CD163L1: variants seen among roughly 807,000 people sequenced by gnomAD.
CD163L1 encodes the protein scavenger receptor cysteine-rich type 1 protein M160.
CD163L1 carries 124 observed loss-of-function variants against 165.4 expected under a neutral mutation model. The observed-to-expected ratio is 0.75, with a 90% CI of 0.65 to 0.87. The LOEUF (loss-of-function observed/expected upper bound fraction) is 0.87. CD163L1 is among the 40% of genes least tolerant of loss of function. The pLI, the probability that CD163L1 is intolerant of heterozygous loss-of-function variation, is 0.00. For missense variants in CD163L1, 1,525 were observed against 1,799.9 expected (o/e 0.85, Z 2.76); for synonymous variants, 585 against 662.2 (o/e 0.88, Z 1.79).
chr12:7,389,083 C>A (rs2136471343), intron 8 of CD163L1, among the ~76,000 whole-genome samples: 1 of 152,272 alleles, frequency 6.6e-6, no homozygotes. Context: ...GCAGATATCT[C>A]TTTGATACAT....
chr12:7,406,982 T>C (rs1031460838), intron 4 of CD163L1, 130 bp from the exon 5 acceptor site: 1 of 845,496 alleles, frequency 1.2e-6, no homozygotes, highest in Non-Finnish European at 1.8e-6. Context: ...ACTCTTGCTT[T>C]TTAAAATTCT....
chr12:7,345,291 C>A (rs911087965), downstream of CD163L1, among the ~76,000 whole-genome samples: 3 of 152,166 alleles, frequency 2.0e-5, no homozygotes, highest in African/African-American at 7.2e-5. Flanking sequence ...ATCTTGAATG[C>A]TTCACTGCTT....
chr12:7,369,437 G>T lies in CD163L1; in HGVS notation c.3959C>A (p.Ser1320Ter). 1.2e-6 allele frequency: 2 copies of T among 1,614,100 alleles called. No individual in the cohort carries two copies. The highest frequency in any genetic ancestry group is 1.7e-6 in the Non-Finnish European group (2 of 1,180,020). ...LDDMRCKGNE[S>*]FLWDCHAKPW... ...TTTGGCGTGACAGTCCCATAGAAAT[G>T]ACTCATTTCCTTTGCACCGCATGTC... The change falls in exon 15 of 20, where the codon TCA becomes TAA. Residue 1320 changes from serine to a stop codon, truncating the protein, a stop_gained. Coordinates refer to ENST00000313599, the MANE Select transcript of CD163L1 (RefSeq NM_174941.6). LOFTEE classifies it high-confidence loss of function. The surrounding 1 kb of genome is among the most constrained non-coding windows in gnomAD (Gnocchi z 4.9).
rs144886397 is a variant in CD163L1, at chr12:7,373,467, C to T, written c.3583G>A (p.Ala1195Thr). 1.9e-5 allele frequency: 31 copies of T among 1,614,150 alleles called. No individual in the cohort carries two copies. Among genetic ancestry groups the T allele is most frequent in the Middle Eastern group, 3.3e-4 (2 of 6,062 alleles). The change falls in exon 14 of 20, where the codon GCC becomes ACC. Residue 1195 changes from alanine (A) to threonine (T), a missense_variant. Coordinates refer to ENST00000313599, the MANE Select transcript of CD163L1 (RefSeq NM_174941.6). ...CCAGAGCCTGTCTTAGATAAAGGGG[C>T]GAGGCTGACAACTCCATTCTCCCCA... ...GCGENGVVSLAPLSKTGSGFM... is the reference protein window; with the variant it reads ...GCGENGVVSLTPLSKTGSGFM...
chr12:7,443,838 G>A (rs1401035802), intron 1 of CD163L1, among the ~76,000 whole-genome samples: 1 of 152,002 alleles, frequency 6.6e-6, no homozygotes, highest in East Asian at 1.9e-4. Context: ...TCATATCCTT[G>A]TGTGACTTCT....
At chr12:7,409,909 T>C (rs1948099849) in intron 4 of CD163L1, among the ~76,000 whole-genome samples, 1 of 152,044 alleles carries the variant, frequency 6.6e-6, no homozygotes, top group Non-Finnish European at 1.5e-5. Context: ...GATAACATGA[T>C]TAAAAGCCAA....
At chr12:7,326,023 A>C in the CD163L1 span, among the ~76,000 whole-genome samples, 4,563 of 152,262 alleles carry the variant, frequency 0.03, 237 homozygotes, top group African/African-American at 0.1. Context: ...ATTTCAGCTG[A>C]ACAGAAGTAA....
chr12:7,394,682 A>G (rs1310058957), intron 8 of CD163L1, among the ~76,000 whole-genome samples: 3 of 152,168 alleles, frequency 2.0e-5, no homozygotes, highest in Non-Finnish European at 4.4e-5. Context: ...GAAAATTTTT[A>G]CAATCTACCC....
At chr12:7,322,320 T>A in the CD163L1 span, 1 of 1,542,976 alleles carries the variant, frequency 6.5e-7, no homozygotes, top group Non-Finnish European at 8.9e-7. Context: ...GACTTGCCTC[T>A]CCTAGCTGCT....
the CD163L1 span, among the ~76,000 whole-genome samples, chr12:7,337,716 TTAG>T: frequency 1.3e-5 from 2 of 151,830 alleles, no homozygotes; most frequent in African/African-American, 4.9e-5. Flanking sequence ...TACACTGTTA[TTAG>T]TAGTGTAAAT....
rs1477556566 is a variant in CD163L1 at position 7,395,962 on chromosome 12, A to G, written c.2050+133T>C. The G allele has an allele frequency of 4.8e-6, 3 of 627,834 alleles. No individual in the cohort carries two copies. In the African/African-American group the frequency reaches 5.5e-5, roughly 11 times the overall value. The allele number at this position is 627,834 out of a possible 1,614,324, so 38.9% of individuals were successfully genotyped here. A position where few individuals can be genotyped will look rare whatever the true frequency, so the allele number is the denominator to read the frequency against. The stretch of plus-strand genomic sequence containing the variant: ...AGAAAGATATTAAAAATGAATGAGA[A>G]TATGAGGTATGGTTAGCTCTAAAAA... On this transcript the variant is annotated intron_variant, in intron 8 of 19. Transcript: ENST00000313599.
At chr12:7,388,294 T>C (rs780977379) in intron 8 of CD163L1, among the ~76,000 whole-genome samples, 2 of 152,320 alleles carry the variant, frequency 1.3e-5, no homozygotes, top group South Asian at 2.1e-4. Context: ...AAAAAGCTTC[T>C]ACACAGCAAA....
At chr12:7,342,744 C>T (rs1946645647), downstream of CD163L1, among the ~76,000 whole-genome samples, 1 of 152,204 alleles carries the variant, frequency 6.6e-6, no homozygotes, top group African/African-American at 2.4e-5. Context: ...AGCAATCCCC[C>T]TGTCTCTGCC....
chr12:7,338,137 G>A, the CD163L1 span, among the ~76,000 whole-genome samples: 9 of 152,048 alleles, frequency 5.9e-5, no homozygotes, highest in African/African-American at 2.2e-4. Flanking sequence ...GACACAGGGA[G>A]GGGAATGTCA....
chr12:7,362,606 CTTA>C (rs756086936), intron 18 of CD163L1, among the ~76,000 whole-genome samples: 64 of 138,922 alleles, frequency 4.6e-4, no homozygotes, highest in African/African-American at 7.4e-4. Context: ...AAATTTATAG[CTTA>C]TTATAATATA....
At chr12:7,385,860 A>G (rs1947504545) in intron 8 of CD163L1, among the ~76,000 whole-genome samples, 1 of 151,994 alleles carries the variant, frequency 6.6e-6, no homozygotes, top group African/African-American at 2.4e-5. Context: ...CCAATAGCAC[A>G]GTTAAGAAGG....
Position 7,421,772 on chromosome 12 carries a change from TTTTC to T in CD163L1, c.766+10640_766+10643del, listed in dbSNP as rs1193147000. Among the ~76,000 whole-genome samples the T allele has an allele frequency of 1.4e-3, 148 of 104,426 alleles. 1 individual carries two copies. The South Asian group carries it at 0.021, about 15-fold the overall frequency. 68.5% of individuals were successfully genotyped at this position (104,426 alleles called of 152,430 possible). A position where few individuals can be genotyped will look rare whatever the true frequency, so the allele number is the denominator to read the frequency against. ...ATATATATATATATATATATATATT[TTTTC>T]TTCTAAGTGAAGTAACTCAGGAATG... On this transcript the variant is annotated intron_variant, in intron 4 of 19. Transcript: ENST00000313599.
At position 7,398,206 on chromosome 12, in the gene CD163L1, T is replaced by C; in HGVS notation, c.1729+58A>G. ...AGCCAGTTTATAGACCCAGAAGCCC[T>C]TCCTATGAGGAATACTATTTCTCTT... On this transcript the variant is annotated intron_variant, in intron 7 of 19. Coordinates refer to ENST00000313599, the MANE Select transcript of CD163L1 (RefSeq NM_174941.6). The surrounding 1 kb of genome is among the most constrained non-coding windows in gnomAD (Gnocchi z 4.5). The C allele has an allele frequency of 6.6e-7, 1 of 1,505,884 alleles. No homozygotes were observed. Among genetic ancestry groups the C allele is most frequent in the Non-Finnish European group, 9.0e-7 (1 of 1,106,410 alleles). The allele number at this position is 1,505,884 out of a possible 1,614,324, so 93.3% of individuals were successfully genotyped here. A position where few individuals can be genotyped will look rare whatever the true frequency, so the allele number is the denominator to read the frequency against.
the CD163L1 span, among the ~76,000 whole-genome samples, chr12:7,335,261 C>G: frequency 6.6e-6 from 1 of 152,136 alleles, no homozygotes; most frequent in South Asian, 2.1e-4. Context: ...GCTGCAGTAA[C>G]CAAAACAGCA....
Sources: gnomAD v4.1 joint callset for allele counts (sites outside exome capture counted in the v4.1 genomes callset) on GRCh38, gnomAD v4.1.1 for gene constraint, Gnocchi (gnomAD v3.1) non-coding constraint, MANE v1.5 for transcripts, NCBI Gene and HGNC (gene_info 2026-07-23, HGNC 2026-07-21) for gene names.